Variants in CADPS2 observed in about 807,000 individuals in gnomAD.
The protein encoded by CADPS2 is calcium dependent secretion activator 2.
A neutral mutation model predicts 172.5 loss-of-function variants in CADPS2; 93 were observed. The ratio of observed to expected loss-of-function variants is 0.54; its 90% CI spans 0.46 to 0.64. The LOEUF (loss-of-function observed/expected upper bound fraction) is 0.64, where lower values mean the gene tolerates loss of function less well. Among genes scored for constraint, CADPS2 ranks in the 30% least tolerant of loss-of-function variants. The pLI is 0.00. For missense variants in CADPS2, 1,420 were observed against 1,565.9 expected (o/e 0.91, Z 1.57); for synonymous variants, 546 against 555.2 (o/e 0.98, Z 0.23).
intron 12 of CADPS2, 96 bp downstream of exon 12, chr7:122,480,756 G>T (rs2057191444): frequency 2.5e-6 from 2 of 794,736 alleles, no homozygotes; most frequent in Non-Finnish European, 3.8e-6. Context: ...GAAAGTAGGG[G>T]ATTGATCCTG....
intron 3 of CADPS2, among the ~76,000 whole-genome samples, chr7:122,642,432 A>G (rs1316255917): frequency 6.6e-6 from 1 of 152,016 alleles, no homozygotes; most frequent in African/African-American, 2.4e-5. Flanking sequence ...AGATCAGCAA[A>G]TCTCCCTTTG....
intron 2 of CADPS2, among the ~76,000 whole-genome samples, chr7:122,665,670 G>A (rs559494845): frequency 2.0e-5 from 3 of 152,272 alleles, no homozygotes; most frequent in African/African-American, 7.2e-5. Context: ...AAAGCAGGAC[G>A]GCTGTATAGG....
At chr7:122,326,484 A>G (rs564007021) in intron 28 of CADPS2, among the ~76,000 whole-genome samples, 69 of 152,272 alleles carry the variant, frequency 4.5e-4, no homozygotes, top group African/African-American at 1.6e-3. Flanking sequence ...CTAGGTTTAG[A>G]TAACACTCTA....
intron 25 of CADPS2, among the ~76,000 whole-genome samples, chr7:122,372,047 A>G (rs555857005): frequency 1.3e-5 from 2 of 152,316 alleles, no homozygotes; most frequent in African/African-American, 4.8e-5. Context: ...CTAAGACTCT[A>G]TCTGTATTAA....
intron 27 of CADPS2, among the ~76,000 whole-genome samples, chr7:122,355,572 GCTGT>G (rs2039282655): frequency 6.8e-6 from 1 of 146,288 alleles, no homozygotes; most frequent in Non-Finnish European, 1.5e-5. Flanking sequence ...ACAGAGTGAG[GCTGT>G]CTTATTAAAA....
intron 6 of CADPS2, among the ~76,000 whole-genome samples, chr7:122,603,326 GT>G (rs2073050754): frequency 1.4e-5 from 2 of 147,244 alleles, no homozygotes; most frequent in South Asian, 4.1e-4. Context: ...ATAAAATAAC[GT>G]TTGCAGTTTG....
At chr7:122,623,495 T>TAA (rs2075800528) in intron 4 of CADPS2, among the ~76,000 whole-genome samples, 1 of 152,162 alleles carries the variant, frequency 6.6e-6, no homozygotes, top group South Asian at 2.1e-4. Flanking sequence ...TATTATTGAT[T>TAA]AAAGATTCCA....
chr7:122,643,664 A>G (rs1184841184), intron 3 of CADPS2, among the ~76,000 whole-genome samples: 2 of 151,978 alleles, frequency 1.3e-5, no homozygotes, highest in Non-Finnish European at 2.9e-5. Context: ...ATTAGGTGAA[A>G]ATTTCTGAGG....
chr7:122,406,918 A>G (rs2046716694), intron 20 of CADPS2, among the ~76,000 whole-genome samples: 1 of 152,206 alleles, frequency 6.6e-6, no homozygotes, highest in African/African-American at 2.4e-5. Flanking sequence ...TCCGTATGTT[A>G]AAATCTTGAT....
intron 2 of CADPS2, among the ~76,000 whole-genome samples, chr7:122,720,435 T>C (rs1040735960): frequency 5.4e-5 from 7 of 130,082 alleles, no homozygotes; most frequent in South Asian, 3.0e-4. Flanking sequence ...TATATATACA[T>C]ATATATGTAT....
chr7:122,492,097 G>A (rs2058341036), intron 9 of CADPS2, among the ~76,000 whole-genome samples: 1 of 151,966 alleles, frequency 6.6e-6, no homozygotes, highest in Admixed American at 6.6e-5. Context: ...GCTTGAACCT[G>A]GGAGGCTGAG....
At chr7:122,619,887 G>T (rs1045709307) in intron 5 of CADPS2, among the ~76,000 whole-genome samples, 2 of 152,100 alleles carry the variant, frequency 1.3e-5, no homozygotes, top group Non-Finnish European at 2.9e-5. Flanking sequence ...AAAGTCATTA[G>T]GTAAGCCCAG....
chr7:122,451,131 A>G (rs1021874572), intron 15 of CADPS2, among the ~76,000 whole-genome samples: 1 of 152,118 alleles, frequency 6.6e-6, no homozygotes, highest in African/African-American at 2.4e-5. Flanking sequence ...GCAAAAGGCA[A>G]GTAAGAGGTG....
intron 14 of CADPS2, among the ~76,000 whole-genome samples, chr7:122,458,805 C>T (rs2054106874): frequency 6.6e-6 from 1 of 152,058 alleles, no homozygotes; most frequent in African/African-American, 2.4e-5. Flanking sequence ...CTTTCTTGGA[C>T]TAATCCAAAC....
At chr7:122,747,292 G>C in intron 1 of CADPS2, among the ~76,000 whole-genome samples, 1 of 152,090 alleles carries the variant, frequency 6.6e-6, no homozygotes, top group East Asian at 1.9e-4. Context: ...TGGAAAAAAG[G>C]AGGGGAAGGA....
intron 24 of CADPS2, 141 bp from the exon 25 acceptor site, chr7:122,379,583 T>C: frequency 3.1e-6 from 2 of 642,062 alleles, no homozygotes; most frequent in Admixed American, 5.1e-5. Context: ...GAACAAAACC[T>C]TGAAAATGAT....
At chr7:122,589,177 T>C (rs1269484401) in intron 6 of CADPS2, among the ~76,000 whole-genome samples, 1 of 151,996 alleles carries the variant, frequency 6.6e-6, no homozygotes, top group African/African-American at 2.4e-5. Flanking sequence ...AAAATGTGTA[T>C]GTTTAATAGA....
Position 122,886,288 on chromosome 7 carries a change from T to A in CADPS2, c.50A>T (p.Glu17Val). The part of the protein sequence containing the change: ...SEEESDEGLE[E>V]ESRDVLVAAG... ...TGCCACCAGCACATCGCGGCTTTCC[T>A]CTTCCAGCCCCTCGTCCGACTCCTC... is the stretch of plus-strand genomic sequence containing the variant. Residue 17 changes from glutamate to valine, a missense_variant, in exon 1 of 30, where the codon GAG becomes GTG. Glu to Val is a moderately radical substitution (Grantham distance 121, BLOSUM62 -2). Coordinates refer to ENST00000449022, the MANE Select transcript of CADPS2 (RefSeq NM_017954.11). The A allele has an allele frequency of 2.0e-6, 3 of 1,504,656 alleles. No homozygotes were observed. The highest frequency in any genetic ancestry group is 2.6e-6 in the Non-Finnish European group (3 of 1,135,072). The allele number at this position is 1,504,656 out of a possible 1,614,324, so 93.2% of individuals were successfully genotyped here. A position where few individuals can be genotyped will look rare whatever the true frequency, so the allele number is the denominator to read the frequency against.
At chr7:122,356,052 T>C (rs1286602059) in intron 27 of CADPS2, among the ~76,000 whole-genome samples, 1 of 152,214 alleles carries the variant, frequency 6.6e-6, no homozygotes, top group Non-Finnish European at 1.5e-5. Context: ...TTTCCTACAA[T>C]TAATGAACAT....
Sources: gnomAD v4.1 joint callset for allele counts (sites outside exome capture counted in the v4.1 genomes callset) on GRCh38, gnomAD v4.1.1 for gene constraint, MANE v1.5 for transcripts, NCBI Gene and HGNC (gene_info 2026-07-23, HGNC 2026-07-21) for gene names.